Variants in GALNT17 observed in about 807,000 individuals in gnomAD.
GALNT17 encodes polypeptide N-acetylgalactosaminyltransferase 17.
A neutral mutation model predicts 63.7 loss-of-function variants in GALNT17; 29 were observed. The ratio of observed to expected loss-of-function variants is 0.46; its 90% CI spans 0.34 to 0.62. The LOEUF is 0.62. Ranked by LOEUF, GALNT17 falls within the 20% of genes least tolerant of loss-of-function variation. The probability of loss-of-function intolerance (pLI) is 0.01; values close to 1 mark genes in which losing one functional copy is unlikely to be tolerated. For synonymous variants in GALNT17, 305 were observed against 318.3 expected, an observed-to-expected ratio of 0.96 and a Z score of 0.45; for missense variants, 603 against 799.6, an observed-to-expected ratio of 0.75 and a Z score of 2.97.
intron 1 of GALNT17, among the ~76,000 whole-genome samples, chr7:71,255,906 C>T (rs922470372): frequency 3.3e-5 from 5 of 152,182 alleles, no homozygotes; most frequent in African/African-American, 1.2e-4. Flanking sequence ...CCAAGTTAAC[C>T]TGAAAAATGA....
chr7:71,544,418 A>C (rs1163227198), intron 5 of GALNT17, among the ~76,000 whole-genome samples: 1 of 151,628 alleles, frequency 6.6e-6, no homozygotes. Context: ...CTGGGATTAC[A>C]GGCGTGAGCC....
chr7:71,399,366 C>T (rs1169939756), intron 3 of GALNT17, among the ~76,000 whole-genome samples: 7 of 152,290 alleles, frequency 4.6e-5, no homozygotes, highest in African/African-American at 1.2e-4. Context: ...CTGCTGCTGC[C>T]GGTTCCATTG....
intron 1 of GALNT17, among the ~76,000 whole-genome samples, chr7:71,150,424 C>T (rs1021591107): frequency 6.6e-6 from 1 of 151,914 alleles, no homozygotes; most frequent in Non-Finnish European, 1.5e-5. Context: ...GAGAGGTAGA[C>T]GGAAGTGATG....
intron 2 of GALNT17, among the ~76,000 whole-genome samples, chr7:71,361,887 C>T (rs890794374): frequency 4.6e-5 from 7 of 152,076 alleles, no homozygotes; most frequent in Non-Finnish European, 1.0e-4. Context: ...GATTGAACTA[C>T]GGCTGGGGCT....
At chr7:71,445,902 G>A (rs924328935) in intron 5 of GALNT17, among the ~76,000 whole-genome samples, 9 of 152,176 alleles carry the variant, frequency 5.9e-5, no homozygotes, top group African/African-American at 2.2e-4. Flanking sequence ...CAAAGTGCTG[G>A]TATTACAAGT....
intron 6 of GALNT17, among the ~76,000 whole-genome samples, chr7:71,588,393 T>C (rs1487580057): frequency 6.6e-6 from 1 of 152,224 alleles, no homozygotes; most frequent in Non-Finnish European, 1.5e-5. Context: ...CCCTAGGATA[T>C]ATTCCATTAT....
At chr7:71,640,911 A>G (rs531280273) in intron 6 of GALNT17, among the ~76,000 whole-genome samples, 1 of 152,218 alleles carries the variant, frequency 6.6e-6, no homozygotes, top group South Asian at 2.1e-4. Flanking sequence ...ACCAGATGCC[A>G]AAAGTGTCTG....
intron 9 of GALNT17, among the ~76,000 whole-genome samples, chr7:71,695,597 T>C (rs567817693): frequency 1.3e-4 from 20 of 152,330 alleles, no homozygotes; most frequent in African/African-American, 4.6e-4. Context: ...GCCAGGTGTG[T>C]GCACCTGTGA....
chr7:71,216,719 C>T (rs994511860), intron 1 of GALNT17, among the ~76,000 whole-genome samples: 32 of 151,770 alleles, frequency 2.1e-4, no homozygotes, highest in African/African-American at 4.8e-4. Flanking sequence ...GACACAAATA[C>T]GCACACATAT....
rs10536926 is a variant in GALNT17, at chr7:71,168,705, A to ATGTGTGTGTG, written c.238+35686_238+35695dup. 6.6e-3 allele frequency among the ~76,000 whole-genome samples: 984 copies of ATGTGTGTGTG among 149,150 alleles called. 12 individuals are homozygous for ATGTGTGTGTG. Among genetic ancestry groups the ATGTGTGTGTG allele is most frequent in the African/African-American group, 0.02 (818 of 40,468 alleles). ...TCCATCAGCTCACATAGTTACGTGT[A>ATGTGTGTGTG]TGTGTGTGTGTGTGTGTGTGTGTGT... On this transcript the variant is annotated intron_variant, in intron 1 of 10. Coordinates refer to ENST00000333538, the MANE Select transcript of GALNT17 (RefSeq NM_022479.3).
chr7:71,541,105 G>A (rs765514874), intron 5 of GALNT17, among the ~76,000 whole-genome samples: 4 of 151,970 alleles, frequency 2.6e-5, no homozygotes, highest in Non-Finnish European at 4.4e-5. Context: ...TTAGCTGGGC[G>A]TGGTGGTGTA....
At chr7:71,488,179 A>AC (rs11393641) in intron 5 of GALNT17, among the ~76,000 whole-genome samples, 6 of 151,398 alleles carry the variant, frequency 4.0e-5, no homozygotes, top group Admixed American at 2.0e-4. Flanking sequence ...TAAAAAAAAA[A>AC]AAAAAAAAAA....
At chr7:71,421,364 T>C (rs1786662447) in intron 5 of GALNT17, among the ~76,000 whole-genome samples, 2 of 152,362 alleles carry the variant, frequency 1.3e-5, no homozygotes, top group South Asian at 4.1e-4. Context: ...ATGTTCACAC[T>C]TCTTTATTCT....
intron 6 of GALNT17, among the ~76,000 whole-genome samples, chr7:71,619,911 A>ATT (rs1790267484): frequency 2.0e-5 from 3 of 152,126 alleles, no homozygotes; most frequent in Non-Finnish European, 4.4e-5. Context: ...ATTCAGCATG[A>ATT]TGTTGGCTGT....
chr7:71,506,247 T>TTTTTA (rs139837699), intron 5 of GALNT17, among the ~76,000 whole-genome samples: 33 of 150,834 alleles, frequency 2.2e-4, no homozygotes, highest in African/African-American at 5.8e-4. Context: ...ATAGAAGGAA[T>TTTTTA]TTTTATTTTA....
At chr7:71,463,568 T>C (rs1016409584) in intron 5 of GALNT17, among the ~76,000 whole-genome samples, 1 of 152,168 alleles carries the variant, frequency 6.6e-6, no homozygotes, top group African/African-American at 2.4e-5. Flanking sequence ...GGCTACTCCA[T>C]AGGCAGAGCA....
At chr7:71,356,846 A>G (rs2116210072) in intron 2 of GALNT17, among the ~76,000 whole-genome samples, 1 of 152,250 alleles carries the variant, frequency 6.6e-6, no homozygotes. Flanking sequence ...CAGTGGCACC[A>G]TCTTGAGTCA....
In GALNT17 at chr7:71,445,161, CT is replaced by C. The variant is rs797011815; in HGVS notation, c.962+24065del. The stretch of plus-strand genomic sequence containing the variant: ...ATAGCACCTCCCAGGGTGGAGCCAC[CT>C]TTTTTTTTCTTTCTTTCTTTTTTTT... On this transcript the variant is annotated intron_variant, in intron 5 of 10. Transcript: ENST00000333538. Among the ~76,000 whole-genome samples, 35 of 147,930 alleles carry C rather than the reference CT, an allele frequency of 2.4e-4. 1 individual carries two copies. Among genetic ancestry groups the C allele is most frequent in the African/African-American group, 7.9e-4 (32 of 40,308 alleles).
intron 6 of GALNT17, among the ~76,000 whole-genome samples, chr7:71,635,196 G>A (rs1404109055): frequency 8.3e-6 from 1 of 119,898 alleles, no homozygotes; most frequent in Non-Finnish European, 1.6e-5. Flanking sequence ...GACAGAGTGA[G>A]ACTCCGTCTC....
Sources: allele counts gnomAD v4.1 joint callset (sites outside exome capture counted in the v4.1 genomes callset), GRCh38; gene constraint gnomAD v4.1.1; transcripts MANE v1.5; gene names NCBI Gene and HGNC (gene_info 2026-07-23, HGNC 2026-07-21).